MTMR7: variants seen among roughly 807,000 people sequenced by gnomAD.
MTMR7 encodes phosphatidylinositol-3-phosphate phosphatase MTMR7.
Under a neutral mutation model 81.2 loss-of-function variants are expected in MTMR7, and 76 were observed. The ratio of observed to expected loss-of-function variants is 0.94; its 90% confidence interval spans 0.78 to 1.13. The LOEUF (loss-of-function observed/expected upper bound fraction) is 1.13. MTMR7 is among the 50% of genes most tolerant of loss of function. The probability of loss-of-function intolerance (pLI) is 0.00; values close to 1 mark genes in which losing one functional copy is unlikely to be tolerated. For missense variants in MTMR7, 1,044 were observed against 820.0 expected (o/e 1.27, Z -3.34); for synonymous variants, 372 against 289.8 (o/e 1.28, Z -2.88).
intron 4 of MTMR7, among the ~76,000 whole-genome samples, chr8:17,359,773 T>C (rs1342314840): frequency 2.0e-5 from 3 of 152,172 alleles, no homozygotes; most frequent in African/African-American, 7.2e-5. Context: ...TCACTCATTA[T>C]ACCATCAAGG....
chr8:17,305,276 C>T (rs17124339), intron 11 of MTMR7, among the ~76,000 whole-genome samples: 3,046 of 152,242 alleles, frequency 0.02, 112 homozygotes, highest in African/African-American at 0.069. Context: ...GCCTAAATCA[C>T]TTTGTTGTAA....
intron 7 of MTMR7, among the ~76,000 whole-genome samples, chr8:17,325,085 AGG>A (rs554626940): frequency 0.012 from 1,771 of 152,240 alleles, 16 homozygotes; most frequent in Non-Finnish European, 0.02. Context: ...TAAAGACATG[AGG>A]TACGGAAGAA....
At chr8:17,380,965 A>T (rs776889441) in intron 1 of MTMR7, among the ~76,000 whole-genome samples, 2 of 152,176 alleles carry the variant, frequency 1.3e-5, no homozygotes, top group Admixed American at 6.5e-5. Flanking sequence ...CCAAAGATTG[A>T]CACTAGCAGA....
chr8:17,332,972 T>C (rs1035947923), intron 6 of MTMR7, among the ~76,000 whole-genome samples: 6 of 152,166 alleles, frequency 3.9e-5, no homozygotes, highest in African/African-American at 7.2e-5. Context: ...TAATCTTTCA[T>C]TGATACCGAG....
At chr8:17,395,653 G>C (rs1445216398) in intron 1 of MTMR7, among the ~76,000 whole-genome samples, 3 of 152,126 alleles carry the variant, frequency 2.0e-5, no homozygotes, top group African/African-American at 4.8e-5. Flanking sequence ...TTGTGGTTCT[G>C]ACCTGTATTT....
At chr8:17,411,457 C>G (rs1187898429) in intron 1 of MTMR7, among the ~76,000 whole-genome samples, 1 of 152,138 alleles carries the variant, frequency 6.6e-6, no homozygotes, top group Non-Finnish European at 1.5e-5. Context: ...CTGGACGCTT[C>G]CAGCACTTAA....
intron 1 of MTMR7, among the ~76,000 whole-genome samples, chr8:17,392,950 A>G (rs574618157): frequency 6.6e-6 from 1 of 152,358 alleles, no homozygotes; most frequent in Non-Finnish European, 1.5e-5. Context: ...ACTATGTGCC[A>G]TGTTATTTAG....
At chr8:17,342,877 G>C (rs2150543714) in intron 5 of MTMR7, among the ~76,000 whole-genome samples, 1 of 152,098 alleles carries the variant, frequency 6.6e-6, no homozygotes, top group African/African-American at 2.4e-5. Flanking sequence ...AAAGGGTATG[G>C]GCACGGCAGA....
chr8:17,324,356 A>G (rs373275051), intron 7 of MTMR7, among the ~76,000 whole-genome samples: 1 of 152,190 alleles, frequency 6.6e-6, no homozygotes, highest in South Asian at 2.1e-4. Context: ...AATCTACCCT[A>G]CAGGGTAGAT....
At position 17,334,827 on chromosome 8, in the gene MTMR7, C is replaced by T. The variant is rs527296717; in HGVS notation, c.733-3545G>A. Among the ~76,000 whole-genome samples the T allele has an allele frequency of 1.7e-4, 26 of 152,294 alleles. No homozygotes were observed. In the South Asian group the frequency reaches 3.3e-3, roughly 19 times the overall value. The stretch of plus-strand genomic sequence containing the variant: ...GAGTTGAAATCTAAGGAAACTCTGT[C>T]GGCCTGGGGATCAGGGGTAACGTTT... On this transcript the variant is annotated intron_variant, in intron 6 of 13. Coordinates refer to ENST00000180173, the MANE Select transcript of MTMR7 (RefSeq NM_004686.5).
chr8:17,370,261 C>T (rs1820376052), intron 3 of MTMR7, among the ~76,000 whole-genome samples: 1 of 151,882 alleles, frequency 6.6e-6, no homozygotes. Flanking sequence ...TGGTAGTTCA[C>T]TCCTGTAATC....
intron 3 of MTMR7, among the ~76,000 whole-genome samples, chr8:17,362,196 T>C (rs1051688666): frequency 1.3e-5 from 2 of 152,202 alleles, no homozygotes; most frequent in African/African-American, 4.8e-5. Flanking sequence ...GCCCAATATA[T>C]CCAAAATCAT....
At chr8:17,340,025 C>T (rs575993905) in intron 6 of MTMR7, among the ~76,000 whole-genome samples, 143 of 152,332 alleles carry the variant, frequency 9.4e-4, no homozygotes, top group African/African-American at 3.3e-3. Context: ...GATCTCGGCT[C>T]ACCGCAACCT....
intron 1 of MTMR7, among the ~76,000 whole-genome samples, chr8:17,375,174 G>A (rs909488187): frequency 2.6e-5 from 4 of 152,248 alleles, no homozygotes; most frequent in South Asian, 2.1e-4. Context: ...AGAGCCAGGG[G>A]AGTAGCAGAC....
chr8:17,404,086 C>G (rs894320642), intron 1 of MTMR7, among the ~76,000 whole-genome samples: 1 of 151,994 alleles, frequency 6.6e-6, no homozygotes, highest in African/African-American at 2.4e-5. Flanking sequence ...GAAAGAAGTC[C>G]AAGCTCCAAA....
chr8:17,345,616 G>C (rs1352073197), intron 5 of MTMR7, among the ~76,000 whole-genome samples: 2 of 152,224 alleles, frequency 1.3e-5, no homozygotes, highest in African/African-American at 4.8e-5. Context: ...GAAAGAATGT[G>C]ATTACATCCA....
chr8:17,335,886 C>T (rs1274491118), intron 6 of MTMR7, among the ~76,000 whole-genome samples: 2 of 152,228 alleles, frequency 1.3e-5, no homozygotes, highest in Non-Finnish European at 2.9e-5. Flanking sequence ...AGCTCTTCCC[C>T]GCCGCCTTAC....
intron 4 of MTMR7, among the ~76,000 whole-genome samples, chr8:17,359,827 T>C (rs1447430554): frequency 6.6e-6 from 1 of 152,134 alleles, no homozygotes; most frequent in African/African-American, 2.4e-5. Context: ...GGTGAGGGTA[T>C]AAGGAATCAA....
chr8:17,338,893 G>A (rs990536903), intron 6 of MTMR7: 2 of 143,356 alleles, frequency 1.4e-5, no homozygotes, highest in Non-Finnish European at 3.0e-5. Flanking sequence ...TGGCATCCGT[G>A]AGTAGTAACT....
Sources: gnomAD v4.1 joint callset for allele counts (sites outside exome capture counted in the v4.1 genomes callset) on GRCh38, gnomAD v4.1.1 for gene constraint, MANE v1.5 for transcripts, NCBI Gene and HGNC (gene_info 2026-07-23, HGNC 2026-07-21) for gene names.